Variants in RTN3 observed in about 807,000 individuals in gnomAD.
RTN3 encodes reticulon-3.
In RTN3, 49 loss-of-function variants were observed where a neutral mutation model predicts 77.8. The ratio of observed to expected loss-of-function variants is 0.63; its 90% CI spans 0.50 to 0.80. The LOEUF (loss-of-function observed/expected upper bound fraction) is 0.80, where lower values mean the gene tolerates loss of function less well. Ranked by LOEUF, RTN3 falls within the 30% of genes least tolerant of loss-of-function variation. The pLI is 0.00. For missense variants in RTN3, 1,236 were observed against 1,211.9 expected (o/e 1.02, Z -0.29); for synonymous variants, 464 against 446.9 (o/e 1.04, Z -0.48).
chr11:63,747,419 C>T (rs998018628), intron 3 of RTN3, among the ~76,000 whole-genome samples: 1 of 152,166 alleles, frequency 6.6e-6, no homozygotes. Context: ...TCAAGTGAGC[C>T]TGAGTTCCCT....
At chr11:63,728,903 GAAAA>G (rs1338203122) in intron 3 of RTN3, among the ~76,000 whole-genome samples, 2 of 140,116 alleles carry the variant, frequency 1.4e-5, no homozygotes, top group South Asian at 2.3e-4. Context: ...AAAAAAAAAA[GAAAA>G]AAGAAAAGAA....
At chr11:63,750,514 G>A (rs1339156194) in intron 4 of RTN3, 6 of 258,574 alleles carry the variant, frequency 2.3e-5, no homozygotes, top group African/African-American at 4.6e-5. Flanking sequence ...GTACAGTGGC[G>A]CGATCTCAGC....
chr11:63,717,091 A>C (rs1046093972), intron 2 of RTN3, among the ~76,000 whole-genome samples: 3 of 151,634 alleles, frequency 2.0e-5, no homozygotes, highest in African/African-American at 7.3e-5. Context: ...TGAGGCCAGG[A>C]GGTCAAGGCT....
At chr11:63,695,589 G>A (rs1941896180) in intron 1 of RTN3, among the ~76,000 whole-genome samples, 1 of 152,206 alleles carries the variant, frequency 6.6e-6, no homozygotes, top group African/African-American at 2.4e-5. Context: ...CAGTTGATAA[G>A]TCATGTTGAT....
chr11:63,735,564 C>CTCTCTCTG (rs2013046443), intron 3 of RTN3, among the ~76,000 whole-genome samples: 1 of 139,276 alleles, frequency 7.2e-6, no homozygotes, highest in Non-Finnish European at 1.6e-5. Flanking sequence ...CTCTCTCTCT[C>CTCTCTCTG]TCTCTCTCTC....
At chr11:63,706,954 T>C (rs1037497735) in intron 2 of RTN3, among the ~76,000 whole-genome samples, 37 of 151,726 alleles carry the variant, frequency 2.4e-4, no homozygotes, top group African/African-American at 7.3e-4. Context: ...TGGAGTGCAT[T>C]GGTGTGATCT....
intron 3 of RTN3, among the ~76,000 whole-genome samples, chr11:63,723,332 A>G (rs2011956135): frequency 6.6e-6 from 1 of 152,160 alleles, no homozygotes; most frequent in South Asian, 2.1e-4. Context: ...TAAAAATATA[A>G]TCCATTTCAT....
In RTN3 at chr11:63,752,637, T is replaced by G. The variant is rs907590982; in HGVS notation, c.2869T>G (p.Ser957Ala). 4 of 1,613,938 alleles carry G rather than the reference T, an allele frequency of 2.5e-6. No homozygotes were observed. The highest frequency in any genetic ancestry group is 3.4e-6 in the Non-Finnish European group (4 of 1,179,928). Residue 957 changes from serine to alanine, a missense_variant, in exon 5 of 9, where the codon TCC (serine) becomes GCC (alanine). By Grantham distance (99) the Ser-to-Ala change is moderately conservative. Coordinates refer to ENST00000377819, the MANE Select transcript of RTN3 (RefSeq NM_001265589.2). ...CTTTCTGGTAGAAGATCTGGTTGACTCCTTGAAGGTTAGTTGTTTCTGCAG... is the reference window on the plus strand; with the variant it reads ...CTTTCTGGTAGAAGATCTGGTTGACGCCTTGAAGGTTAGTTGTTTCTGCAG... ...RLFLVEDLVD[S>A]LKLAVFMWLM...
intron 3 of RTN3, among the ~76,000 whole-genome samples, chr11:63,737,435 C>A (rs2013200229): frequency 6.6e-6 from 1 of 152,080 alleles, no homozygotes; most frequent in Admixed American, 6.6e-5. Flanking sequence ...CATGGTGAAA[C>A]CCCATCTCTA....
chr11:63,704,745 C>A, intron 1 of RTN3, 106 bp from the exon 2 acceptor site: 1 of 780,966 alleles, frequency 1.3e-6, no homozygotes. Context: ...CTTGTTAAAC[C>A]CAATGAAATT....
chr11:63,752,678 C>A, intron 5 of RTN3, 33 bp downstream of exon 5: 4 of 1,601,590 alleles, frequency 2.5e-6, no homozygotes, highest in Admixed American at 3.5e-5. Context: ...GGTGGTAAAA[C>A]AGAAAAAGCA....
intron 1 of RTN3, among the ~76,000 whole-genome samples, chr11:63,699,065 G>T (rs1942104552): frequency 6.6e-6 from 1 of 152,056 alleles, no homozygotes; most frequent in South Asian, 2.1e-4. Context: ...AGGTGGGCGG[G>T]TCACTTTAGG....
At chr11:63,701,797 T>G (rs760733721) in intron 1 of RTN3, among the ~76,000 whole-genome samples, 1 of 151,858 alleles carries the variant, frequency 6.6e-6, no homozygotes, top group Non-Finnish European at 1.5e-5. Flanking sequence ...AATAAAAAAT[T>G]ATCTGGGCGT....
At chr11:63,725,906 G>GT (rs2012229044) in intron 3 of RTN3, among the ~76,000 whole-genome samples, 1 of 152,104 alleles carries the variant, frequency 6.6e-6, no homozygotes, top group South Asian at 2.1e-4. Flanking sequence ...AAAAATGTTC[G>GT]TAATTTATTA....
intron 1 of RTN3, among the ~76,000 whole-genome samples, chr11:63,704,066 A>T (rs1298274734): frequency 6.6e-6 from 1 of 151,438 alleles, no homozygotes; most frequent in East Asian, 1.9e-4. Flanking sequence ...GCAGTGGCAC[A>T]ATCTTGGCTC....
intron 2 of RTN3, among the ~76,000 whole-genome samples, chr11:63,712,825 A>G (rs1032164154): frequency 1.3e-5 from 2 of 152,078 alleles, no homozygotes; most frequent in Non-Finnish European, 2.9e-5. Flanking sequence ...GCCGGGCGCA[A>G]TGGCTCACAC....
At chr11:63,728,003 A>G (rs1565328497) in intron 3 of RTN3, among the ~76,000 whole-genome samples, 1 of 152,202 alleles carries the variant, frequency 6.6e-6, no homozygotes, top group Admixed American at 6.5e-5. Flanking sequence ...CATCAGGGCC[A>G]GTGATTTGCT....
intron 3 of RTN3, among the ~76,000 whole-genome samples, chr11:63,748,280 A>C (rs500991): frequency 0.13 from 18,879 of 149,332 alleles, 1,299 homozygotes; most frequent in South Asian, 0.16. Context: ...TTGGGGACTT[A>C]CAAACTGGGA....
At chr11:63,726,941 G>A (rs1411060723) in intron 3 of RTN3, among the ~76,000 whole-genome samples, 6 of 149,052 alleles carry the variant, frequency 4.0e-5, no homozygotes, top group Non-Finnish European at 8.9e-5. Flanking sequence ...TGTAATCCCA[G>A]TACTTCAGGA....
Sources: gnomAD v4.1 joint callset for allele counts (sites outside exome capture counted in the v4.1 genomes callset) on GRCh38, gnomAD v4.1.1 for gene constraint, MANE v1.5 for transcripts, NCBI Gene and HGNC (gene_info 2026-07-23, HGNC 2026-07-21) for gene names.